The following HELB variants were observed in gnomAD, a reference collection of about 807,000 sequenced individuals.
The protein encoded by HELB is DNA 5'-3' helicase B.
Under a neutral mutation model 101.7 loss-of-function variants are expected in HELB, and 96 were observed. The ratio of observed to expected loss-of-function variants is 0.94; its 90% CI spans 0.80 to 1.12. The LOEUF is 1.12. Among genes scored for constraint, HELB ranks in the 50% most tolerant of loss-of-function variants. The pLI is 0.00. For missense variants in HELB, 1,210 were observed against 1,291.9 expected (o/e 0.94, Z 0.97); for synonymous variants, 437 against 459.7 (o/e 0.95, Z 0.63).
chr12:66,310,736 T>C (rs2053534737), intron 4 of HELB, 128 bp downstream of exon 4: 2 of 814,748 alleles, frequency 2.5e-6, no homozygotes, highest in Admixed American at 5.0e-5. Flanking sequence ...ATGGAGACCA[T>C]CCTGGCTAAC....
chr12:66,308,365 C>T (rs1413968455), intron 3 of HELB, among the ~76,000 whole-genome samples: 1 of 152,166 alleles, frequency 6.6e-6, no homozygotes, highest in East Asian at 1.9e-4. Flanking sequence ...TTTCTCCTGT[C>T]CAGTCACTCT....
rs139042941 is a variant in HELB at position 66,304,849 on chromosome 12, T to C, written c.306T>C (p.Tyr102=). The C allele has an allele frequency of 2.7e-5, 43 of 1,614,142 alleles. No individual in the cohort carries two copies. In the African/African-American group the frequency reaches 5.5e-4, roughly 21 times the overall value. ...AGCCTGTGGTGGGATCAAGGAGCTATCAATATCAAGTTCAAGGATTTCCGT... is the reference window on the plus strand; with the variant it reads ...AGCCTGTGGTGGGATCAAGGAGCTACCAATATCAAGTTCAAGGATTTCCGT... ...QVKPVVGSRS[Y]QYQVQGFPSY... The change falls in exon 2 of 13, where the codon TAT becomes TAC. Residue 102 remains tyrosine (Y), a synonymous_variant. Coordinates refer to ENST00000247815, the MANE Select transcript of HELB (RefSeq NM_001370285.1).
rs1475203769 is a variant in HELB at position 66,331,211 on chromosome 12, C to T, written c.2728C>T (p.Gln910Ter). The change falls in exon 12 of 13, where the codon CAG (glutamine) becomes TAG (stop). Residue 910 changes from glutamine (Q) to a stop codon, truncating the protein, a stop_gained. Coordinates refer to ENST00000247815, the MANE Select transcript of HELB (RefSeq NM_001370285.1). LOFTEE classifies it high-confidence loss of function. ...GGGGAAGGCGGGCCGCCAGCACTGG[C>T]AGCATGTCTACACCGCCGTGACCAG... ...VVGKAGRQHWQHVYTAVTRGR... is the reference protein window; with the variant it reads ...VVGKAGRQHW 6.2e-7 allele frequency: 1 copy of T among 1,613,378 alleles called. No individual in the cohort carries two copies. The highest frequency in any genetic ancestry group is 1.7e-5 in the Admixed American group (1 of 60,008).
At chr12:66,313,778 A>T (rs2053569130) in intron 4 of HELB, among the ~76,000 whole-genome samples, 1 of 151,934 alleles carries the variant, frequency 6.6e-6, no homozygotes. Context: ...AAGTGTTGAG[A>T]TTTTGGAACA....
intron 12 of HELB, among the ~76,000 whole-genome samples, chr12:66,334,131 G>GATGCAAACT (rs2053839593): frequency 1.3e-5 from 2 of 152,060 alleles, no homozygotes; most frequent in South Asian, 4.1e-4. Flanking sequence ...TGGTACTCCA[G>GATGCAAACT]CCTGGGTGAC....
intron 12 of HELB, among the ~76,000 whole-genome samples, chr12:66,332,651 G>C (rs1448152326): frequency 6.6e-6 from 1 of 152,102 alleles, no homozygotes; most frequent in African/African-American, 2.4e-5. Flanking sequence ...TTATGTTATT[G>C]TTGCTAACTT....
rs1036627594 is a variant in HELB at position 66,318,754 on chromosome 12, A to G, written c.2117A>G (p.Asp706Gly). Residue 706 changes from aspartate (D) to glycine (G), a missense_variant, in exon 7 of 13, where the codon GAT (aspartate) becomes GGT (glycine). Asp to Gly is a moderately conservative substitution (Grantham distance 94, BLOSUM62 -1). Transcript: ENST00000247815. The stretch of plus-strand genomic sequence containing the variant: ...ATTTTTGTCAGGCTCCCAGAAGAGG[A>G]TGCCAGTTCTCAGTCATCTAAAACT... The part of the protein sequence containing the change: ...TFIFVRLPEE[D>G]ASSQSSKTNH... 1.9e-6 allele frequency: 3 copies of G among 1,610,594 alleles called. No individual in the cohort carries two copies. The Admixed American group carries it at 5.1e-5, about 27-fold the overall frequency.
chr12:66,324,270 A>G, intron 10 of HELB, 59 bp downstream of exon 10: 1 of 1,151,214 alleles, frequency 8.7e-7, no homozygotes, highest in Admixed American at 1.8e-5. Flanking sequence ...TGGTTATTTT[A>G]TTGTCCTAGG....
intron 7 of HELB, among the ~76,000 whole-genome samples, chr12:66,320,575 G>T (rs2053658947): frequency 6.6e-6 from 1 of 151,876 alleles, no homozygotes; most frequent in African/African-American, 2.4e-5. Flanking sequence ...TTTATTTCTG[G>T]TACCCATTCT....
rs369179261 is a variant in HELB at position 66,314,706 on chromosome 12, A to T, written c.1859-536A>T. On this transcript the variant is annotated intron_variant, in intron 5 of 12. Transcript: ENST00000247815. ...TTATTATTTTTTTAGGTATTTGAGGATGTCTTTTAAGCAGTTGATTGTATT... is the reference window on the plus strand; with the variant it reads ...TTATTATTTTTTTAGGTATTTGAGGTTGTCTTTTAAGCAGTTGATTGTATT... 3.0e-4 allele frequency among the ~76,000 whole-genome samples: 45 copies of T among 152,174 alleles called. No individual in the cohort carries two copies. In the South Asian group the frequency reaches 8.7e-3, roughly 29 times the overall value.
chr12:66,318,600 A>G, intron 6 of HELB, 38 bp from the exon 7 acceptor site: 2 of 1,555,828 alleles, frequency 1.3e-6, no homozygotes. Flanking sequence ...TTTTTGGATG[A>G]TAATGTTCTT....
intron 9 of HELB, 51 bp from the exon 10 acceptor site, chr12:66,323,932 G>A: frequency 8.1e-7 from 1 of 1,228,582 alleles, no homozygotes; most frequent in Non-Finnish European, 1.2e-6. Context: ...TTGAACAAGT[G>A]AAACGGAGAC....
At chr12:66,302,985 G>GTTTTT (rs551432227) in intron 1 of HELB, among the ~76,000 whole-genome samples, 195 bp downstream of exon 1, 1 of 136,658 alleles carries the variant, frequency 7.3e-6, no homozygotes, top group African/African-American at 2.6e-5. Context: ...ATACTATGTG[G>GTTTTT]TTTTTTTTTT....
chr12:66,304,564 GA>G, intron 1 of HELB, among the ~76,000 whole-genome samples, 166 bp from the exon 2 acceptor site: 1 of 152,170 alleles, frequency 6.6e-6, no homozygotes, highest in South Asian at 2.1e-4. Flanking sequence ...GAGGGAGACA[GA>G]AAAAGAGGTA....
rs1405516403 is a variant in HELB at position 66,324,999 on chromosome 12, C to T, written c.2543C>T (p.Thr848Ile). Reference sequence around the variant, plus strand: ...TGGTGACAGGATGTAACTGATGTAACTTTTGGAAAGAGAAGATCTTTGACC... The same window carrying T: ...TGGTGACAGGATGTAACTGATGTAATTTTTGGAAAGAGAAGATCTTTGACC... ...FFITNDVTDV[T>I]FGKRRSLTIN... is the part of the protein sequence containing the mutation. The change falls in exon 11 of 13, where the codon ACT (threonine) becomes ATT (isoleucine). Residue 848 changes from threonine to isoleucine, a missense_variant. Physicochemically the swap from Thr to Ile is moderately conservative, Grantham distance 89. Coordinates refer to ENST00000247815, the MANE Select transcript of HELB (RefSeq NM_001370285.1). The T allele has an allele frequency of 6.2e-7, 1 of 1,612,426 alleles. No homozygotes were observed. The highest frequency in any genetic ancestry group is 1.3e-5 in the African/African-American group (1 of 74,860).
At chr12:66,336,191 T>G (rs2053864720) in intron 12 of HELB, among the ~76,000 whole-genome samples, 1 of 152,230 alleles carries the variant, frequency 6.6e-6, no homozygotes, top group South Asian at 2.1e-4. Flanking sequence ...AAAGTCATAC[T>G]TTTATTCTTC....
downstream of HELB, chr12:66,342,139 TCTTATA>T (rs920797880): frequency 6.6e-6 from 1 of 152,204 alleles, no homozygotes; most frequent in Non-Finnish European, 1.5e-5. Flanking sequence ...AAGTTTTGGC[TCTTATA>T]CTTAGATCTT....
chr12:66,331,838 C>T (rs558716587), intron 12 of HELB, among the ~76,000 whole-genome samples, 193 bp downstream of exon 12: 6 of 152,132 alleles, frequency 3.9e-5, no homozygotes, highest in Non-Finnish European at 8.8e-5. Context: ...TCCTTTTCTC[C>T]TTCCCAGCCT....
chr12:66,338,055 T>C lies in HELB; in HGVS notation c.3217T>C (p.Leu1073=). ...SRLQNLRLNN[L]IPRQLFKPTD... is the part of the protein sequence containing the mutation. ...ACTTCAGAATTTGAGACTGAATAAT[T>C]TAATTCCCAGGCAACTTTTCAAGCC... The change falls in exon 13 of 13, where the codon TTA becomes CTA. Residue 1073 remains leucine, a synonymous_variant. Coordinates refer to ENST00000247815, the MANE Select transcript of HELB (RefSeq NM_001370285.1). 1 of 1,606,884 alleles carries C rather than the reference T, an allele frequency of 6.2e-7. No homozygotes were observed. The highest frequency in any genetic ancestry group is 8.5e-7 in the Non-Finnish European group (1 of 1,173,660).
Sources: gnomAD v4.1 joint callset for allele counts (sites outside exome capture counted in the v4.1 genomes callset) on GRCh38, gnomAD v4.1.1 for gene constraint, MANE v1.5 for transcripts, NCBI Gene and HGNC (gene_info 2026-07-23, HGNC 2026-07-21) for gene names.